The following PGM1 variants were observed in gnomAD, a reference collection of about 807,000 sequenced individuals.
The protein encoded by PGM1 is phosphoglucomutase 1.
A neutral mutation model predicts 55.6 loss-of-function variants in PGM1; 52 were observed. The ratio of observed to expected loss-of-function variants is 0.94; its 90% CI spans 0.75 to 1.18. The LOEUF (loss-of-function observed/expected upper bound fraction) is 1.18, where lower values mean the gene tolerates loss of function less well. Among genes scored for constraint, PGM1 ranks in the 50% most tolerant of loss-of-function variants. The probability of loss-of-function intolerance (pLI) is 0.00; values close to 1 mark genes in which losing one functional copy is unlikely to be tolerated. For missense variants in PGM1, 724 were observed against 729.3 expected (o/e 0.99, Z 0.08); for synonymous variants, 287 against 271.7 (o/e 1.06, Z -0.55).
intron 1 of PGM1, chr1:63,594,123 G>A (rs1647963623): frequency 9.0e-6 from 9 of 1,005,186 alleles, no homozygotes; most frequent in Non-Finnish European, 1.1e-5. Flanking sequence ...GGCGCAGAGT[G>A]CTGTCGCCTT....
intron 7 of PGM1, among the ~76,000 whole-genome samples, chr1:63,643,766 G>T (rs1053411385): frequency 6.6e-6 from 1 of 152,202 alleles, no homozygotes; most frequent in African/African-American, 2.4e-5. Context: ...AGGATACGGC[G>T]TGATCACAGG....
rs767280844 is a variant in PGM1, at chr1:63,636,282, G to C, written c.922G>C (p.Asp308His). The change falls in exon 6 of 11, where the codon GAC becomes CAC. Residue 308 changes from aspartate (D) to histidine (H), a missense_variant. Asp to His is a moderately conservative substitution (Grantham distance 81). Transcript: ENST00000371084. ...GCATGGGTTCTTTGTGAACCCTTCA[G>C]ACTCTGTGGCTGTCATTGCTGCCAA... Reference protein sequence around the residue: ...GKHGFFVNPSDSVAVIAANIF... With the variant: ...GKHGFFVNPSHSVAVIAANIF... The C allele has an allele frequency of 6.2e-7, 1 of 1,614,150 alleles. No individual in the cohort carries two copies. The highest frequency in any genetic ancestry group is 8.5e-7 in the Non-Finnish European group (1 of 1,179,976).
At chr1:63,636,524 G>T in intron 6 of PGM1, 136 bp downstream of exon 6, 1 of 971,214 alleles carries the variant, frequency 1.0e-6, no homozygotes, top group Non-Finnish European at 1.6e-6. Context: ...AGCGATTCTT[G>T]TGTGAGGGGA....
intron 1 of PGM1, among the ~76,000 whole-genome samples, chr1:63,611,346 A>G (rs1438333288): frequency 1.3e-5 from 2 of 152,134 alleles, no homozygotes; most frequent in African/African-American, 4.8e-5. Flanking sequence ...AAACAAGGAG[A>G]TCCTTGTAGA....
chr1:63,616,665 T>G (rs1480898674), intron 1 of PGM1, among the ~76,000 whole-genome samples: 1 of 152,140 alleles, frequency 6.6e-6, no homozygotes, highest in African/African-American at 2.4e-5. Flanking sequence ...GACAGCCAAC[T>G]GACGCGTGCT....
chr1:63,604,959 G>GTGTGTGTGTATT (rs58900430), intron 1 of PGM1, among the ~76,000 whole-genome samples: 1 of 134,236 alleles, frequency 7.4e-6, no homozygotes, highest in Admixed American at 7.2e-5. Context: ...GTGTGTGTGT[G>GTGTGTGTGTATT]TAAAGAGAGG....
intron 1 of PGM1, among the ~76,000 whole-genome samples, chr1:63,615,762 T>C (rs1240988510): frequency 2.6e-5 from 4 of 151,862 alleles, no homozygotes; most frequent in Non-Finnish European, 5.9e-5. Flanking sequence ...GGTTTTACCA[T>C]GTTGGCCAGG....
chr1:63,645,555 C>T (rs1215932181), intron 7 of PGM1, among the ~76,000 whole-genome samples: 1 of 152,076 alleles, frequency 6.6e-6, no homozygotes, highest in African/African-American at 2.4e-5. Context: ...GCCGTAAGAG[C>T]CAGAGAGCTT....
chr1:63,639,566 C>T (rs1194823268), intron 7 of PGM1, among the ~76,000 whole-genome samples: 5 of 152,000 alleles, frequency 3.3e-5, no homozygotes, highest in Admixed American at 3.3e-4. Flanking sequence ...TGGCCCTGTC[C>T]CATGTATCAG....
chr1:63,648,495 C>A (rs1361797965), intron 7 of PGM1, 22 bp from the exon 8 acceptor site: 16 of 1,613,944 alleles, frequency 9.9e-6, no homozygotes, highest in Non-Finnish European at 1.4e-5. Flanking sequence ...TTTCTTACAG[C>A]AGCTTGCTGT....
In PGM1 at chr1:63,593,599, G is replaced by A. The variant is rs1266630709; in HGVS notation, c.111G>A (p.Glu37=). ...KVFQSSANYA[E]NFIQSIISTV... is the part of the protein sequence containing the mutation. ...TCCAGAGCAGCGCCAACTACGCGGA[G>A]AACTTCATCCAGAGTATCATCTCCA... The change falls in exon 1 of 11, where the codon GAG becomes GAA. Residue 37 remains glutamate, a synonymous_variant. Coordinates refer to ENST00000371084, the MANE Select transcript of PGM1 (RefSeq NM_002633.3). The A allele has an allele frequency of 6.2e-7, 1 of 1,613,500 alleles. No individual in the cohort carries two copies.
chr1:63,604,338 G>T (rs1215103791), intron 1 of PGM1, among the ~76,000 whole-genome samples: 1 of 152,192 alleles, frequency 6.6e-6, no homozygotes, highest in African/African-American at 2.4e-5. Flanking sequence ...GATCCATGAT[G>T]TTGGGACCCA....
At chr1:63,622,519 G>A (rs967442360) in intron 1 of PGM1, among the ~76,000 whole-genome samples, 2 of 152,090 alleles carry the variant, frequency 1.3e-5, no homozygotes, top group Admixed American at 1.3e-4. Flanking sequence ...TGTTAAAAAC[G>A]AATCTCATGT....
intron 1 of PGM1, among the ~76,000 whole-genome samples, chr1:63,619,756 C>T (rs1457034653): frequency 6.6e-6 from 1 of 152,202 alleles, no homozygotes; most frequent in Non-Finnish European, 1.5e-5. Context: ...TCTGTAAACA[C>T]ACCTTCAGGA....
chr1:63,651,906 A>G, intron 9 of PGM1, 54 bp downstream of exon 9: 1 of 1,499,470 alleles, frequency 6.7e-7, no homozygotes, highest in Non-Finnish European at 9.3e-7. Flanking sequence ...TTCATCTCTG[A>G]CATCTCAAGG....
chr1:63,598,846 G>C (rs1284449249), intron 1 of PGM1, among the ~76,000 whole-genome samples: 1 of 152,156 alleles, frequency 6.6e-6, no homozygotes, highest in Non-Finnish European at 1.5e-5. Flanking sequence ...TGACCCAGAG[G>C]TTAAGGGTCT....
chr1:63,609,769 G>A (rs1296589803), intron 1 of PGM1, among the ~76,000 whole-genome samples: 1 of 152,100 alleles, frequency 6.6e-6, no homozygotes, highest in East Asian at 1.9e-4. Context: ...TAAATTACAC[G>A]AGATCTTCCA....
chr1:63,616,364 G>A (rs893852678), intron 1 of PGM1, among the ~76,000 whole-genome samples: 1 of 152,166 alleles, frequency 6.6e-6, no homozygotes, highest in Non-Finnish European at 1.5e-5. Context: ...TCAAATTGAG[G>A]AGATTGTTTT....
At chr1:63,640,128 T>C (rs2284996) in intron 7 of PGM1, among the ~76,000 whole-genome samples, 41,092 of 152,142 alleles carry the variant, frequency 0.27, 5,732 homozygotes, top group South Asian at 0.4. Context: ...TATGAGGTGG[T>C]CTTCTCCCAT....
Sources: gnomAD v4.1 joint callset for allele counts (sites outside exome capture counted in the v4.1 genomes callset) on GRCh38, gnomAD v4.1.1 for gene constraint, MANE v1.5 for transcripts, NCBI Gene and HGNC (gene_info 2026-07-23, HGNC 2026-07-21) for gene names.